Variants in PDZD2 observed in about 807,000 individuals in gnomAD.
The protein encoded by PDZD2 is PDZ domain containing 2, also known as PDZ domain-containing protein 2.
A neutral mutation model predicts 220.7 loss-of-function variants in PDZD2; 90 were observed. The ratio of observed to expected loss-of-function variants is 0.41; its 90% CI spans 0.34 to 0.49. PDZD2 has a LOEUF of 0.49. PDZD2 is among the 20% of genes least tolerant of loss of function. The pLI, the probability that PDZD2 is intolerant of heterozygous loss-of-function variation, is 0.28. For missense variants in PDZD2, 3,174 were observed against 3,608.5 expected (o/e 0.88, Z 3.08); for synonymous variants, 1,375 against 1,450.5 (o/e 0.95, Z 1.18).
At chr5:31,939,947 A>C (rs939638146) in intron 2 of PDZD2, among the ~76,000 whole-genome samples, 2 of 152,382 alleles carry the variant, frequency 1.3e-5, no homozygotes, top group East Asian at 3.9e-4. Context: ...GAATTCAAGA[A>C]AACTTGTGAC....
intron 11 of PDZD2, 46 bp from the exon 12 acceptor site, chr5:32,057,832 G>C (rs1739233794): frequency 7.4e-7 from 1 of 1,349,958 alleles, no homozygotes; most frequent in Non-Finnish European, 1.1e-6. Context: ...TTTGATATAA[G>C]GACATTCCAA....
chr5:32,063,157 G>T (rs974735188), intron 14 of PDZD2, among the ~76,000 whole-genome samples: 1 of 151,734 alleles, frequency 6.6e-6, no homozygotes, highest in Admixed American at 6.6e-5. Flanking sequence ...TGATTCTCCC[G>T]CCTCAGCCTT....
chr5:31,910,205 C>T (rs9885128), intron 2 of PDZD2, among the ~76,000 whole-genome samples: 8,383 of 144,472 alleles, frequency 0.058, 817 homozygotes, highest in African/African-American at 0.2. Context: ...TGTGGAGCTC[C>T]AGAGTTCCTG....
At chr5:31,806,631 C>T (rs1754727904) in intron 2 of PDZD2, among the ~76,000 whole-genome samples, 1 of 152,196 alleles carries the variant, frequency 6.6e-6, no homozygotes, top group African/African-American at 2.4e-5. Flanking sequence ...TGAGCTCCAT[C>T]ACATCCACTC....
chr5:32,090,122 T>G lies in PDZD2; in HGVS notation c.6674T>G (p.Met2225Arg). ...TPRPATRTYS[M>R]PAQFSSHFGR... ...AGGCCAGCGACCAGGACCTACTCCA[T>G]GCCAGCCCAGTTCTCAAGCCATTTT... The change falls in exon 20 of 25, where the codon ATG (methionine) becomes AGG (arginine). Residue 2225 changes from methionine (M) to arginine (R), a missense_variant. Physicochemically the swap from Met to Arg is moderately conservative, Grantham distance 91 (BLOSUM62 -1). Coordinates refer to ENST00000438447, the MANE Select transcript of PDZD2 (RefSeq NM_178140.4). The surrounding 1 kb of genome is among the most constrained non-coding windows in gnomAD (Gnocchi z 4.3). 6.2e-7 allele frequency: 1 copy of G among 1,613,844 alleles called. No homozygotes were observed. The highest frequency in any genetic ancestry group is 8.5e-7 in the Non-Finnish European group (1 of 1,180,004).
chr5:31,966,791 G>A (rs938595617), intron 2 of PDZD2, among the ~76,000 whole-genome samples: 12 of 152,186 alleles, frequency 7.9e-5, no homozygotes, highest in Non-Finnish European at 1.8e-4. Context: ...TTTGCTTGGG[G>A]AGGAAGGTCA....
chr5:31,975,338 C>T (rs889893265), intron 2 of PDZD2, among the ~76,000 whole-genome samples: 3 of 152,208 alleles, frequency 2.0e-5, no homozygotes, highest in Non-Finnish European at 2.9e-5. Flanking sequence ...ATAAAACCAT[C>T]GGATCTCGTG....
At chr5:31,721,929 C>A (rs1748826916) in intron 1 of PDZD2, among the ~76,000 whole-genome samples, 2 of 152,098 alleles carry the variant, frequency 1.3e-5, no homozygotes, top group Admixed American at 1.3e-4. Context: ...TAAATTGCAT[C>A]CCTTAGTAAT....
intron 1 of PDZD2, among the ~76,000 whole-genome samples, chr5:31,705,415 C>A (rs186556029): frequency 6.6e-6 from 1 of 152,002 alleles, no homozygotes; most frequent in Non-Finnish European, 1.5e-5. Flanking sequence ...ATTAAAGACT[C>A]CTAGAAAGAG....
Position 31,646,141 on chromosome 5 carries a change from G to A in PDZD2, c.-361+6704G>A, listed in dbSNP as rs1745128482. Among the ~76,000 whole-genome samples, 1 of 152,096 alleles carries A rather than the reference G, an allele frequency of 6.6e-6. No individual in the cohort carries two copies. The highest frequency in any genetic ancestry group is 6.6e-5 in the Admixed American group (1 of 15,260). On this transcript the variant is annotated intron_variant, in intron 1 of 24. Coordinates refer to ENST00000438447, the MANE Select transcript of PDZD2 (RefSeq NM_178140.4). This position sits in a 1 kb window ranked among gnomAD's most constrained non-coding sequence, Gnocchi z 4.7. ...AACTCTTTTGTCCCTTTCACCAAAG[G>A]CCAGCATGTTTCCGATGCCTGTCTA...
At position 32,089,714 on chromosome 5, in the gene PDZD2, A is replaced by G. The variant is rs750401416; in HGVS notation, c.6266A>G (p.Gln2089Arg). 1.1e-5 allele frequency: 18 copies of G among 1,614,114 alleles called. No individual in the cohort carries two copies. Among genetic ancestry groups the G allele is most frequent in the Non-Finnish European group, 1.4e-5 (16 of 1,180,050 alleles). Residue 2089 changes from glutamine (Q) to arginine (R), a missense_variant, in exon 20 of 25, where the codon CAG becomes CGG. By Grantham distance (43) the Gln-to-Arg change is conservative. Around this residue, in one of 4 missense-constraint regions of PDZD2, gnomAD observed 1,861 missense variants for 2,001.0 expected, o/e 0.93. Transcript: ENST00000438447. Reference protein sequence around the residue: ...MASDRLERTNQLKIVEISAEA... With the variant: ...MASDRLERTNRLKIVEISAEA... ...AGCGATCGCCTCGAAAGAACAAACC[A>G]GCTGAAAATCGTGGAGATTTCTGCT... is the stretch of plus-strand genomic sequence containing the variant.
intron 18 of PDZD2, 91 bp from the exon 19 acceptor site, chr5:32,077,371 G>C (rs1436223654): frequency 7.2e-7 from 1 of 1,395,890 alleles, no homozygotes; most frequent in Non-Finnish European, 1.0e-6. Context: ...GCCTTTTCCT[G>C]AACTAGCTCT....
At chr5:31,817,884 T>G (rs1157647602) in intron 2 of PDZD2, among the ~76,000 whole-genome samples, 6 of 152,036 alleles carry the variant, frequency 3.9e-5, no homozygotes, top group African/African-American at 1.4e-4. Context: ...GGCTGGCCTT[T>G]AATTCATGAC....
At chr5:32,019,335 G>A (rs1415629446) in intron 6 of PDZD2, among the ~76,000 whole-genome samples, 1 of 151,856 alleles carries the variant, frequency 6.6e-6, no homozygotes, top group African/African-American at 2.4e-5. Flanking sequence ...GTAGAGACGG[G>A]GTCTCCCTAT....
chr5:32,026,894 GTTGTTTTTGTTTT>G (rs1251557258), intron 6 of PDZD2, among the ~76,000 whole-genome samples: 8 of 152,028 alleles, frequency 5.3e-5, no homozygotes, highest in Non-Finnish European at 8.8e-5. Context: ...TCCTTTTTTT[GTTGTTTTTGTTTT>G]TTGTTTTTGT....
At position 31,976,257 on chromosome 5, in the gene PDZD2, A is replaced by G. The variant is rs530628959; in HGVS notation, c.477-6898A>G. Among the ~76,000 whole-genome samples the G allele has an allele frequency of 1.4e-3, 214 of 152,230 alleles. 3 individuals carry two copies. Among genetic ancestry groups the G allele is most frequent in the South Asian group, 0.014 (67 of 4,822 alleles). On this transcript the variant is annotated intron_variant, in intron 2 of 24. Coordinates refer to ENST00000438447, the MANE Select transcript of PDZD2 (RefSeq NM_178140.4). ...GGAAATTAATCTGTATAGATTTAAC[A>G]CTTCCTCTCAACCAGTTGTTCTCTG...
In PDZD2 at chr5:32,088,900, A is replaced by T; in HGVS notation, c.5452A>T (p.Thr1818Ser). 6.2e-7 allele frequency: 1 copy of T among 1,614,026 alleles called. No homozygotes were observed. The highest frequency in any genetic ancestry group is 8.5e-7 in the Non-Finnish European group (1 of 1,179,980). ...CCAAGGCACACATTTGAGGAGCAAA[A>T]CCGAGAAGGAACAACCTCTAATGCC... is the stretch of plus-strand genomic sequence containing the variant. ...HNQGTHLRSK[T>S]EKEQPLMPAR... is the part of the protein sequence containing the mutation. Residue 1818 changes from threonine to serine, a missense_variant, in exon 20 of 25, where the codon ACC (threonine) becomes TCC (serine). Coordinates refer to ENST00000438447, the MANE Select transcript of PDZD2 (RefSeq NM_178140.4). The surrounding 1 kb of genome is among the most constrained non-coding windows in gnomAD (Gnocchi z 4.6).
chr5:31,991,894 G>A lies in PDZD2; in HGVS notation c.979-3682G>A, dbSNP rs116106849. On this transcript the variant is annotated intron_variant, in intron 3 of 24. Coordinates refer to ENST00000438447, the MANE Select transcript of PDZD2 (RefSeq NM_178140.4). ...TAATACAAAAATTAGCTGAGTGGAT[G>A]TGGTGGTGTGCACCTGTAATCCCAG... Among the ~76,000 whole-genome samples, 721 of 152,290 alleles carry A rather than the reference G, an allele frequency of 4.7e-3. 8 individuals carry two copies. The highest frequency in any genetic ancestry group is 0.016 in the African/African-American group (672 of 41,562).
At chr5:31,920,510 A>G (rs1304309717) in intron 2 of PDZD2, among the ~76,000 whole-genome samples, 2 of 39,484 alleles carry the variant, frequency 5.1e-5, no homozygotes, top group African/African-American at 1.3e-4. Context: ...TATATTTAAA[A>G]AAAAAAAAAA....
Sources: gnomAD v4.1 joint callset for allele counts (sites outside exome capture counted in the v4.1 genomes callset) on GRCh38, gnomAD v4.1.1 for gene constraint, gnomAD v4.1.1 regional missense constraint, Gnocchi (gnomAD v3.1) non-coding constraint, MANE v1.5 for transcripts, NCBI Gene and HGNC (gene_info 2026-07-23, HGNC 2026-07-21) for gene names.